Variants in PDE4B observed in about 807,000 individuals in gnomAD.
The protein encoded by PDE4B is phosphodiesterase 4B, also known as 3',5'-cyclic-AMP phosphodiesterase 4B.
Under a neutral mutation model 82.2 loss-of-function variants are expected in PDE4B, and 20 were observed. That is an observed-to-expected ratio of 0.24 (90% CI 0.17 to 0.35). The LOEUF is 0.35. Ranked by LOEUF, PDE4B falls within the 10% of genes least tolerant of loss-of-function variation. The pLI, the probability that PDE4B is intolerant of heterozygous loss-of-function variation, is 1.00. For synonymous variants in PDE4B, 320 were observed against 318.9 expected, an observed-to-expected ratio of 1.00 and a Z score of -0.04; for missense variants, 655 against 907.2, an observed-to-expected ratio of 0.72 and a Z score of 3.57.
rs539997300 is a variant in PDE4B, at chr1:66,322,705, T to C, written c.635-9803T>C. On this transcript the variant is annotated intron_variant, in intron 7 of 16. Coordinates refer to ENST00000341517, the MANE Select transcript of PDE4B (RefSeq NM_002600.4). ...GAGAAATAGGAACGCAAAAAATTCC[T>C]GTGTTGAAACCAGTAGGTTTCAACA... 3.2e-4 allele frequency among the ~76,000 whole-genome samples: 49 copies of C among 151,922 alleles called. 1 individual carries two copies. In the South Asian group the frequency reaches 1.0e-2, roughly 31 times the overall value.
intron 1 of PDE4B, among the ~76,000 whole-genome samples, chr1:65,828,384 T>C (rs958327339): frequency 6.6e-6 from 1 of 152,080 alleles, no homozygotes; most frequent in Non-Finnish European, 1.5e-5. Flanking sequence ...TAGCTGGGAT[T>C]CCAGGTTTGC....
At chr1:66,117,460 G>T (rs552019306) in intron 3 of PDE4B, among the ~76,000 whole-genome samples, 7 of 152,238 alleles carry the variant, frequency 4.6e-5, no homozygotes, top group African/African-American at 1.7e-4. Context: ...GAAATTATCT[G>T]GGAAGGTAAC....
In PDE4B at chr1:66,132,635, A is replaced by G. The variant is rs116728098; in HGVS notation, c.282-114825A>G. Among the ~76,000 whole-genome samples, 1,418 of 152,294 alleles carry G rather than the reference A, an allele frequency of 9.3e-3. 7 individuals are homozygous for G. The highest frequency in any genetic ancestry group is 0.013 in the Non-Finnish European group (866 of 68,014). On this transcript the variant is annotated intron_variant, in intron 3 of 16. Coordinates refer to ENST00000341517, the MANE Select transcript of PDE4B (RefSeq NM_002600.4). ...CTTTTAGTTTCAAAGGAAGTTAGAC[A>G]TGAAGGCCTGCTGAGACTGCGTGAC...
At chr1:66,231,163 A>T (rs190370930) in intron 3 of PDE4B, among the ~76,000 whole-genome samples, 1 of 152,314 alleles carries the variant, frequency 6.6e-6, no homozygotes, top group East Asian at 1.9e-4. Context: ...ATTGAAGAAT[A>T]TTGAATAATT....
Position 66,361,744 on chromosome 1 carries a change from G to C in PDE4B, c.971G>C (p.Ser324Thr), listed in dbSNP as rs1051658163. ...LMHSSSLNNT[S>T]ISRFGVNTEN... is the part of the protein sequence containing the mutation. The stretch of plus-strand genomic sequence containing the variant: ...CATAGTTCAAGCCTAAACAATACAA[G>C]CATCTCACGCTTTGGAGTCAACACT... Residue 324 changes from serine (S) to threonine (T), a missense_variant, in exon 10 of 17, where the codon AGC (serine) becomes ACC (threonine). Transcript: ENST00000341517. 8 of 1,613,234 alleles carry C rather than the reference G, an allele frequency of 5.0e-6. No homozygotes were observed. The African/African-American group carries it at 1.1e-4, about 22-fold the overall frequency.
intron 3 of PDE4B, among the ~76,000 whole-genome samples, chr1:66,173,602 T>A (rs1646879320): frequency 1.3e-5 from 2 of 152,180 alleles, no homozygotes; most frequent in African/African-American, 2.4e-5. Flanking sequence ...ATTAAACTGT[T>A]GAATTGTTAA....
chr1:65,816,260 G>C (rs954035255), intron 1 of PDE4B, among the ~76,000 whole-genome samples: 5 of 140,016 alleles, frequency 3.6e-5, no homozygotes, highest in Admixed American at 7.2e-5. Context: ...ATTTGGTTTT[G>C]GGGTGGGGTG....
chr1:65,959,631 C>T (rs571909912), intron 3 of PDE4B, among the ~76,000 whole-genome samples: 71 of 151,966 alleles, frequency 4.7e-4, no homozygotes, highest in African/African-American at 1.6e-3. Flanking sequence ...TAACATCATC[C>T]TGTAAAGTAG....
chr1:66,309,891 T>C (rs1425644597), intron 7 of PDE4B, among the ~76,000 whole-genome samples: 1 of 152,168 alleles, frequency 6.6e-6, no homozygotes, highest in Admixed American at 6.5e-5. Flanking sequence ...AAGCAGCCAC[T>C]TAGTGCTGTT....
At chr1:66,190,814 G>T (rs1205248567) in intron 3 of PDE4B, among the ~76,000 whole-genome samples, 1 of 151,988 alleles carries the variant, frequency 6.6e-6, no homozygotes, top group Non-Finnish European at 1.5e-5. Flanking sequence ...ACCCTGCTTT[G>T]GCTCATACTC....
At chr1:66,257,558 A>G (rs930700330) in intron 4 of PDE4B, 89 bp from the exon 5 acceptor site, 2 of 1,196,460 alleles carry the variant, frequency 1.7e-6, no homozygotes, top group African/African-American at 3.0e-5. Flanking sequence ...TTGTGTTGTT[A>G]ACACTGATAA....
At chr1:66,090,238 G>T (rs981468706) in intron 3 of PDE4B, among the ~76,000 whole-genome samples, 8 of 151,784 alleles carry the variant, frequency 5.3e-5, no homozygotes, top group African/African-American at 1.9e-4. Flanking sequence ...AGGTAGGCTT[G>T]GTATAAAAGG....
At chr1:65,920,260 T>A (rs1204157009) in intron 3 of PDE4B, among the ~76,000 whole-genome samples, 1 of 152,226 alleles carries the variant, frequency 6.6e-6, no homozygotes, top group African/African-American at 2.4e-5. Context: ...TTTCTTGAGC[T>A]CTCTGATTGC....
At chr1:65,989,248 C>G (rs1651114594) in intron 3 of PDE4B, among the ~76,000 whole-genome samples, 1 of 152,064 alleles carries the variant, frequency 6.6e-6, no homozygotes, top group Non-Finnish European at 1.5e-5. Flanking sequence ...CACCTGTAAT[C>G]TCAGTACTTT....
At chr1:66,174,580 AC>A (rs1646896953) in intron 3 of PDE4B, among the ~76,000 whole-genome samples, 2 of 152,030 alleles carry the variant, frequency 1.3e-5, no homozygotes, top group Admixed American at 6.6e-5. Flanking sequence ...ACATGGTGAA[AC>A]CCCATCTCTA....
intron 7 of PDE4B, chr1:66,331,719 T>G (rs944635728): frequency 7.1e-6 from 7 of 984,716 alleles, no homozygotes; most frequent in Non-Finnish European, 7.2e-6. Flanking sequence ...CCTGTGATCC[T>G]GGCACTTGCA....
intron 3 of PDE4B, among the ~76,000 whole-genome samples, chr1:65,953,199 C>T (rs1308125169): frequency 2.0e-5 from 3 of 152,020 alleles, no homozygotes; most frequent in African/African-American, 7.2e-5. Context: ...CCATTCCCAA[C>T]ATTTACAGGG....
chr1:66,000,688 C>T (rs1208890897), intron 3 of PDE4B, among the ~76,000 whole-genome samples: 1 of 152,204 alleles, frequency 6.6e-6, no homozygotes, highest in East Asian at 1.9e-4. Flanking sequence ...CTTCTCAAAA[C>T]CTTTGTAAAG....
At chr1:66,342,671 G>C (rs1265299778) in intron 8 of PDE4B, among the ~76,000 whole-genome samples, 1 of 151,394 alleles carries the variant, frequency 6.6e-6, no homozygotes, top group Admixed American at 6.6e-5. Flanking sequence ...GTAGAGGGCA[G>C]TGAGCTAAGA....
Sources: allele counts gnomAD v4.1 joint callset (sites outside exome capture counted in the v4.1 genomes callset), GRCh38; gene constraint gnomAD v4.1.1; transcripts MANE v1.5; gene names NCBI Gene and HGNC (gene_info 2026-07-23, HGNC 2026-07-21).